Variants in ITGA2 observed in about 807,000 individuals in gnomAD.
ITGA2 encodes the protein integrin alpha-2.
Under a neutral mutation model 146.3 loss-of-function variants are expected in ITGA2, and 101 were observed. The observed-to-expected ratio is 0.69, with a 90% CI of 0.59 to 0.81. The LOEUF is 0.81. Among genes scored for constraint, ITGA2 ranks in the 40% least tolerant of loss-of-function variants. ITGA2 has a pLI of 0.00. For synonymous variants in ITGA2, 477 were observed against 487.1 expected, an observed-to-expected ratio of 0.98 and a Z score of 0.27; for missense variants, 1,281 against 1,402.7, an observed-to-expected ratio of 0.91 and a Z score of 1.39.
At chr5:53,073,392 G>A (rs1745496567) in intron 20 of ITGA2, 133 bp downstream of exon 20, 5 of 991,244 alleles carry the variant, frequency 5.0e-6, no homozygotes, top group East Asian at 2.4e-5. Context: ...TGTGGCTTCC[G>A]ACTAGTTAAA....
chr5:53,085,519 C>CT (rs1252907411), intron 27 of ITGA2, among the ~76,000 whole-genome samples: 1 of 152,108 alleles, frequency 6.6e-6, no homozygotes, highest in Non-Finnish European at 1.5e-5. Flanking sequence ...TTAACTGCTG[C>CT]TTTTTTTCTT....
chr5:53,026,926 G>T lies in ITGA2; in HGVS notation c.185+58G>T. On this transcript the variant is annotated intron_variant, in intron 2 of 29. Transcript: ENST00000296585. The stretch of plus-strand genomic sequence containing the variant: ...AAAATACAAAATAAATTTCATATTT[G>T]ACTTCAATTGCTTTTTCAAATTGGT... 2.0e-6 allele frequency: 3 copies of T among 1,481,860 alleles called. No homozygotes were observed. In the South Asian group the frequency reaches 3.5e-5, roughly 17 times the overall value. 91.8% of individuals were successfully genotyped at this position (1,481,860 alleles called of 1,614,324 possible).
chr5:53,075,747 G>C (rs1745634833), intron 23 of ITGA2, among the ~76,000 whole-genome samples: 1 of 151,856 alleles, frequency 6.6e-6, no homozygotes, highest in South Asian at 2.1e-4. Context: ...GCACAGAGTA[G>C]GTCCACAATA....
chr5:53,090,069 A>G lies in ITGA2; in HGVS notation c.3465+7A>G. On this transcript the variant is annotated splice_region_variant and intron_variant, in intron 29 of 29. Transcript: ENST00000296585. ...GGTTGCAATTTTATGGAAGGTAAGA[A>G]AAGCTTTATATTTTAAAATACAGGG... The G allele has an allele frequency of 6.5e-7, 1 of 1,526,880 alleles. No individual in the cohort carries two copies. The highest frequency in any genetic ancestry group is 9.1e-7 in the Non-Finnish European group (1 of 1,100,726). The allele number at this position is 1,526,880 out of a possible 1,614,324, so 94.6% of individuals were successfully genotyped here. A position where few individuals can be genotyped will look rare whatever the true frequency, so the allele number is the denominator to read the frequency against.
At chr5:53,030,390 G>C (rs1406257153) in intron 2 of ITGA2, among the ~76,000 whole-genome samples, 1 of 152,170 alleles carries the variant, frequency 6.6e-6, no homozygotes, top group Non-Finnish European at 1.5e-5. Flanking sequence ...TATTGGCTGG[G>C]CCAGGGCTTT....
At position 53,092,293 on chromosome 5, in the gene ITGA2, TTAA is replaced by T. The variant is rs1202253201; in HGVS notation, c.*1695_*1697del. 1 of 152,112 alleles carries T rather than the reference TTAA, an allele frequency of 6.6e-6. No homozygotes were observed. Among genetic ancestry groups the T allele is most frequent in the Non-Finnish European group, 1.5e-5 (1 of 68,018 alleles). 9.4% of individuals were successfully genotyped at this position (152,112 alleles called of 1,614,324 possible). A position where few individuals can be genotyped will look rare whatever the true frequency, so the allele number is the denominator to read the frequency against. ...GAGTTCAGCAGTGATGCTTTTAGTT[TTAA>T]AAGTCTATGATCTGGACTTCCTATA... On this transcript the variant is annotated 3_prime_UTR_variant, in exon 30 of 30. Transcript: ENST00000296585.
intron 1 of ITGA2, among the ~76,000 whole-genome samples, chr5:52,995,489 T>G (rs1741193938): frequency 6.6e-6 from 1 of 152,150 alleles, no homozygotes; most frequent in Non-Finnish European, 1.5e-5. Flanking sequence ...ATGATTGATT[T>G]ACTATGGAGG....
At chr5:53,029,143 G>A (rs755805638) in intron 2 of ITGA2, among the ~76,000 whole-genome samples, 14 of 152,102 alleles carry the variant, frequency 9.2e-5, no homozygotes, top group Non-Finnish European at 1.8e-4. Flanking sequence ...GTGGTGGCGG[G>A]CGCCTGTAAT....
At chr5:53,080,396 T>C in intron 24 of ITGA2, 115 bp from the exon 25 acceptor site, 2 of 802,894 alleles carry the variant, frequency 2.5e-6, no homozygotes, top group Non-Finnish European at 4.4e-6. Context: ...TGACTTTCAT[T>C]TGGACTCAGT....
intron 1 of ITGA2, among the ~76,000 whole-genome samples, chr5:53,014,555 G>A (rs1177474412): frequency 2.0e-5 from 3 of 151,936 alleles, no homozygotes; most frequent in Non-Finnish European, 4.4e-5. Flanking sequence ...TTGGCCTGAA[G>A]TTTTCTTTTT....
rs765515252 is a variant in ITGA2 at position 53,055,940 on chromosome 5, T to C, written c.931-44T>C. 6 of 1,561,370 alleles carry C rather than the reference T, an allele frequency of 3.8e-6. No homozygotes were observed. In the African/African-American group the frequency reaches 8.2e-5, roughly 21 times the overall value. ...GGCTAGAATGTACTCATAGGGAAAA[T>C]GTACAGCAGTAATGACTGCACATTC... On this transcript the variant is annotated intron_variant, in intron 8 of 29. Coordinates refer to ENST00000296585, the MANE Select transcript of ITGA2 (RefSeq NM_002203.4).
At chr5:53,083,563 G>A in intron 27 of ITGA2, 110 bp downstream of exon 27, 1 of 755,234 alleles carries the variant, frequency 1.3e-6, no homozygotes, top group Non-Finnish European at 2.4e-6. Flanking sequence ...TGTCTGCAAT[G>A]GCCAAATAAC....
At chr5:53,074,347 T>C (rs1024278639) in intron 20 of ITGA2, 38 bp from the exon 21 acceptor site, 24 of 1,541,902 alleles carry the variant, frequency 1.6e-5, no homozygotes, top group Non-Finnish European at 2.2e-5. Context: ...AAATGTTGTA[T>C]GCCAATTGAT....
At chr5:53,004,702 T>A (rs559067529) in intron 1 of ITGA2, among the ~76,000 whole-genome samples, 2 of 152,242 alleles carry the variant, frequency 1.3e-5, no homozygotes, top group South Asian at 4.2e-4. Flanking sequence ...TTTCTTTTTT[T>A]AATAAAAGTA....
At chr5:53,089,649 G>A (rs1240386920) in intron 28 of ITGA2, among the ~76,000 whole-genome samples, 1 of 152,192 alleles carries the variant, frequency 6.6e-6, no homozygotes, top group East Asian at 1.9e-4. Context: ...AGAAATGGAA[G>A]TTTCTATTTC....
intron 6 of ITGA2, 45 bp downstream of exon 6, chr5:53,048,815 G>GA (rs368879168): frequency 4.4e-6 from 7 of 1,599,366 alleles, no homozygotes; most frequent in African/African-American, 1.3e-5. Context: ...CTTTCTTTCT[G>GA]AAAAAAATAT....
At chr5:53,056,453 A>G (rs1332171344) in intron 9 of ITGA2, among the ~76,000 whole-genome samples, 2 of 152,032 alleles carry the variant, frequency 1.3e-5, no homozygotes, top group Non-Finnish European at 2.9e-5. Flanking sequence ...CAGAATAATA[A>G]TGTTTAATCC....
intron 1 of ITGA2, among the ~76,000 whole-genome samples, chr5:52,993,288 C>A (rs1741065800): frequency 6.6e-6 from 1 of 152,194 alleles, no homozygotes; most frequent in Admixed American, 6.5e-5. Context: ...GCAGTTATAC[C>A]TGCCCAACCT....
At chr5:53,090,092 G>T in intron 29 of ITGA2, 30 bp downstream of exon 29, 5 of 1,360,272 alleles carry the variant, frequency 3.7e-6, no homozygotes, top group Non-Finnish European at 4.2e-6. Flanking sequence ...TTAAAATACA[G>T]GGCTCCTGAA....
Sources: allele counts gnomAD v4.1 joint callset (sites outside exome capture counted in the v4.1 genomes callset), GRCh38; gene constraint gnomAD v4.1.1; transcripts MANE v1.5; gene names NCBI Gene and HGNC (gene_info 2026-07-23, HGNC 2026-07-21).